NEGR1: variants seen among roughly 807,000 people sequenced by gnomAD.
NEGR1 encodes neuronal growth regulator 1.
A neutral mutation model predicts 40.9 loss-of-function variants in NEGR1; 10 were observed. The observed-to-expected ratio is 0.24, with a 90% CI of 0.15 to 0.42. The LOEUF (loss-of-function observed/expected upper bound fraction) is 0.42, where lower values mean the gene tolerates loss of function less well. Among genes scored for constraint, NEGR1 ranks in the 10% least tolerant of loss-of-function variants. The probability of loss-of-function intolerance (pLI) is 1.00; values close to 1 mark genes in which losing one functional copy is unlikely to be tolerated. For synonymous variants in NEGR1, 185 were observed against 166.8 expected, an observed-to-expected ratio of 1.11 and a Z score of -0.84; for missense variants, 352 against 438.9, an observed-to-expected ratio of 0.80 and a Z score of 1.77.
chr1:71,569,241 G>T (rs181719701), intron 6 of NEGR1, among the ~76,000 whole-genome samples: 1 of 152,092 alleles, frequency 6.6e-6, no homozygotes, highest in Admixed American at 6.5e-5. Flanking sequence ...TAAGCCTATA[G>T]AAACCTTATC....
At chr1:71,734,025 C>T (rs1654969090) in intron 3 of NEGR1, among the ~76,000 whole-genome samples, 1 of 152,180 alleles carries the variant, frequency 6.6e-6, no homozygotes, top group Admixed American at 6.5e-5. Context: ...TAAAAGACCC[C>T]AGGCTTCCTC....
intron 2 of NEGR1, among the ~76,000 whole-genome samples, chr1:71,820,008 C>T (rs891779930): frequency 6.6e-6 from 1 of 151,974 alleles, no homozygotes; most frequent in Non-Finnish European, 1.5e-5. Context: ...CCACTGATGT[C>T]AGTGTGGATA....
intron 2 of NEGR1, among the ~76,000 whole-genome samples, chr1:71,857,249 C>G (rs558969082): frequency 2.8e-4 from 42 of 151,588 alleles, no homozygotes; most frequent in African/African-American, 9.4e-4. Flanking sequence ...AAAGAACTAC[C>G]CTGTAATCTT....
At chr1:72,204,354 C>G (rs1653320578) in intron 1 of NEGR1, among the ~76,000 whole-genome samples, 1 of 152,000 alleles carries the variant, frequency 6.6e-6, no homozygotes, top group African/African-American at 2.4e-5. Context: ...CCTGTGCAAT[C>G]CAAATAAGAT....
intron 2 of NEGR1, among the ~76,000 whole-genome samples, chr1:71,831,596 T>TTG (rs902244084): frequency 6.6e-6 from 1 of 151,990 alleles, no homozygotes; most frequent in African/African-American, 2.4e-5. Flanking sequence ...GGGCTCATTA[T>TTG]TGTGTGTGAG....
chr1:71,739,046 A>C (rs56261827), intron 3 of NEGR1, among the ~76,000 whole-genome samples: 2 of 151,978 alleles, frequency 1.3e-5, no homozygotes, highest in East Asian at 3.9e-4. Context: ...AACTTGATCA[A>C]ATTAAAGGTT....
chr1:71,430,114 A>C (rs1207358221), intron 6 of NEGR1, among the ~76,000 whole-genome samples: 1 of 152,198 alleles, frequency 6.6e-6, no homozygotes, highest in Admixed American at 6.5e-5. Flanking sequence ...GTACTGCAGT[A>C]TGGAAGAGGA....
chr1:71,592,209 T>C (rs932265742), intron 6 of NEGR1, among the ~76,000 whole-genome samples: 2 of 152,154 alleles, frequency 1.3e-5, no homozygotes, highest in African/African-American at 2.4e-5. Flanking sequence ...CCGATCCTTG[T>C]GTTTGTGCTT....
chr1:71,870,940 T>C (rs926017241), intron 2 of NEGR1, among the ~76,000 whole-genome samples: 6 of 152,206 alleles, frequency 3.9e-5, no homozygotes, highest in African/African-American at 1.4e-4. Flanking sequence ...TTTTGAAAAT[T>C]CACCCTGAAG....
intron 3 of NEGR1, among the ~76,000 whole-genome samples, chr1:71,754,516 A>T (rs1350059006): frequency 1.3e-5 from 2 of 152,178 alleles, no homozygotes; most frequent in African/African-American, 4.8e-5. Flanking sequence ...GCCAAATGAT[A>T]GATACATGGT....
At chr1:71,417,921 A>G (rs1240950544) in intron 6 of NEGR1, among the ~76,000 whole-genome samples, 1 of 152,192 alleles carries the variant, frequency 6.6e-6, no homozygotes, top group Non-Finnish European at 1.5e-5. Context: ...CTGAAACAGT[A>G]ACAATGACAC....
intron 2 of NEGR1, among the ~76,000 whole-genome samples, chr1:71,792,703 G>C (rs1657161046): frequency 6.6e-6 from 1 of 152,094 alleles, no homozygotes; most frequent in African/African-American, 2.4e-5. Flanking sequence ...TGGCAATACT[G>C]TGCTAGGATT....
chr1:72,029,546 G>C (rs928626440), intron 1 of NEGR1, among the ~76,000 whole-genome samples: 1 of 152,108 alleles, frequency 6.6e-6, no homozygotes, highest in Non-Finnish European at 1.5e-5. Flanking sequence ...TCATTTTGAC[G>C]TGTTTATTGA....
chr1:71,759,059 C>T (rs1471076565), intron 3 of NEGR1, among the ~76,000 whole-genome samples: 1 of 152,024 alleles, frequency 6.6e-6, no homozygotes, highest in African/African-American at 2.4e-5. Context: ...TATGTGCTAA[C>T]CTATGTTAGA....
At chr1:72,163,307 A>G (rs1271115485) in intron 1 of NEGR1, among the ~76,000 whole-genome samples, 1 of 152,158 alleles carries the variant, frequency 6.6e-6, no homozygotes, top group East Asian at 1.9e-4. Context: ...TCCAGAGTCT[A>G]TTCTGCTAAC....
intron 3 of NEGR1, among the ~76,000 whole-genome samples, chr1:71,768,444 T>A (rs1404709445): frequency 6.6e-6 from 1 of 152,170 alleles, no homozygotes; most frequent in African/African-American, 2.4e-5. Flanking sequence ...CCTTCCAATT[T>A]TTTTTGTTTT....
chr1:72,127,419 A>T (rs1419385197), intron 1 of NEGR1, among the ~76,000 whole-genome samples: 1 of 142,640 alleles, frequency 7.0e-6, no homozygotes. Flanking sequence ...AGCCGAGATC[A>T]CAACACTGCA....
At chr1:71,412,405 C>A (rs1646329068) in intron 6 of NEGR1, among the ~76,000 whole-genome samples, 1 of 152,140 alleles carries the variant, frequency 6.6e-6, no homozygotes, top group African/African-American at 2.4e-5. Context: ...TCTGCTTATA[C>A]CTGACTTCAG....
intron 6 of NEGR1, among the ~76,000 whole-genome samples, chr1:71,415,970 A>G (rs1314348931): frequency 6.6e-6 from 1 of 152,020 alleles, no homozygotes; most frequent in East Asian, 1.9e-4. Context: ...TGTGAAATAC[A>G]TTTGCACAAA....
Sources: gnomAD v4.1 joint callset for allele counts (sites outside exome capture counted in the v4.1 genomes callset) on GRCh38, gnomAD v4.1.1 for gene constraint, MANE v1.5 for transcripts, NCBI Gene and HGNC (gene_info 2026-07-23, HGNC 2026-07-21) for gene names.